The following BMPR1B variants were observed in gnomAD, a reference collection of about 807,000 sequenced individuals.
The protein encoded by BMPR1B is bone morphogenetic protein receptor type-1B.
BMPR1B carries 12 observed loss-of-function variants against 59.1 expected under a neutral mutation model. The ratio of observed to expected loss-of-function variants is 0.20; its 90% confidence interval spans 0.13 to 0.33. The LOEUF (loss-of-function observed/expected upper bound fraction) is 0.33. Ranked by LOEUF, BMPR1B falls within the 10% of genes least tolerant of loss-of-function variation. The pLI, the probability that BMPR1B is intolerant of heterozygous loss-of-function variation, is 1.00. For synonymous variants in BMPR1B, 237 were observed against 207.3 expected (o/e 1.14, Z -1.23); for missense variants, 550 against 610.9 (o/e 0.90, Z 1.05).
chr4:94,988,734 C>T (rs370877159), intron 2 of BMPR1B, among the ~76,000 whole-genome samples: 1 of 152,076 alleles, frequency 6.6e-6, no homozygotes, highest in African/African-American at 2.4e-5. Context: ...GTATGATTTT[C>T]CTGTGGGGTC....
At chr4:94,905,914 CT>C (rs34853734) in intron 2 of BMPR1B, among the ~76,000 whole-genome samples, 5,421 of 137,674 alleles carry the variant, frequency 0.039, 131 homozygotes, top group East Asian at 0.096. Flanking sequence ...TTTGTTTATT[CT>C]TTTTTTTTTT....
At chr4:94,864,775 GA>G (rs917999292) in intron 1 of BMPR1B, among the ~76,000 whole-genome samples, 30 of 151,902 alleles carry the variant, frequency 2.0e-4, no homozygotes, top group Admixed American at 4.6e-4. Flanking sequence ...TAATGACAAG[GA>G]AAAAAAGTCT....
chr4:94,982,844 G>GT (rs1721177563), intron 2 of BMPR1B, among the ~76,000 whole-genome samples: 1 of 152,106 alleles, frequency 6.6e-6, no homozygotes, highest in Admixed American at 6.5e-5. Context: ...AATTAGCCAG[G>GT]TGTGATGGTG....
At chr4:94,824,869 A>G (rs1204665483) in intron 1 of BMPR1B, among the ~76,000 whole-genome samples, 1 of 152,200 alleles carries the variant, frequency 6.6e-6, no homozygotes, top group African/African-American at 2.4e-5. Flanking sequence ...GTGTTTTACA[A>G]AATTGTAGTT....
rs1726434591 is a variant in BMPR1B, at chr4:95,050,653, CAT to C, written c.-17-53752_-17-53751del. On this transcript the variant is annotated intron_variant, in intron 3 of 12. Transcript: ENST00000515059. ...AAGATTTTTTAAAATATCAAGTAAA[CAT>C]ATGATGATGATATCTTAGATATAAA... 2.0e-5 allele frequency among the ~76,000 whole-genome samples: 3 copies of C among 152,186 alleles called. No individual in the cohort carries two copies. The South Asian group carries it at 6.2e-4, about 32-fold the overall frequency.
intron 1 of BMPR1B, among the ~76,000 whole-genome samples, chr4:94,870,852 G>T (rs768777869): frequency 6.6e-5 from 10 of 152,102 alleles, no homozygotes; most frequent in Non-Finnish European, 8.8e-5. Context: ...CCACATTAAC[G>T]TTGGAAGGTG....
At chr4:95,003,034 A>G (rs754556854) in intron 3 of BMPR1B, among the ~76,000 whole-genome samples, 6 of 151,920 alleles carry the variant, frequency 3.9e-5, no homozygotes, top group Non-Finnish European at 7.4e-5. Flanking sequence ...TTAAATATCT[A>G]TTAGTTGCAA....
chr4:95,019,830 C>T (rs1398203075), intron 3 of BMPR1B, among the ~76,000 whole-genome samples: 3 of 152,124 alleles, frequency 2.0e-5, no homozygotes, highest in Non-Finnish European at 4.4e-5. Flanking sequence ...TTACTCCTAG[C>T]TGTTTAAGTT....
chr4:95,088,793 GA>G (rs750834599), intron 3 of BMPR1B, among the ~76,000 whole-genome samples: 16 of 146,910 alleles, frequency 1.1e-4, no homozygotes, highest in African/African-American at 3.0e-4. Context: ...GAGGAAAGAA[GA>G]AAAAAAAAAG....
intron 11 of BMPR1B, among the ~76,000 whole-genome samples, chr4:95,149,328 A>G (rs1734866373): frequency 6.6e-6 from 1 of 152,170 alleles, no homozygotes; most frequent in Non-Finnish European, 1.5e-5. Context: ...CTCTGCAGAG[A>G]TGACAGTAGG....
At chr4:94,761,904 C>T (rs926692373) in intron 1 of BMPR1B, among the ~76,000 whole-genome samples, 7 of 152,014 alleles carry the variant, frequency 4.6e-5, no homozygotes, top group African/African-American at 1.5e-4. Context: ...GGAGGGGTTG[C>T]GGCTAGAAAG....
At chr4:95,124,848 TA>T in intron 7 of BMPR1B, 134 bp from the exon 8 acceptor site, 9 of 818,460 alleles carry the variant, frequency 1.1e-5, no homozygotes, top group Admixed American at 2.7e-5. Context: ...TAACTAAGAG[TA>T]AAAAATATGA....
chr4:94,834,341 T>C (rs1244530547), intron 1 of BMPR1B, among the ~76,000 whole-genome samples: 2 of 152,196 alleles, frequency 1.3e-5, no homozygotes, highest in Non-Finnish European at 2.9e-5. Context: ...TTTCGTGATA[T>C]GCTTATCTTC....
chr4:94,816,409 C>T (rs965349093), intron 1 of BMPR1B, among the ~76,000 whole-genome samples: 1 of 152,052 alleles, frequency 6.6e-6, no homozygotes, highest in Non-Finnish European at 1.5e-5. Flanking sequence ...CTCGTGATCC[C>T]CCCTTGGGCC....
chr4:94,864,382 G>A (rs960945986), intron 1 of BMPR1B, among the ~76,000 whole-genome samples: 2 of 152,144 alleles, frequency 1.3e-5, no homozygotes, highest in Admixed American at 1.3e-4. Context: ...TTACTAAAAA[G>A]TTGACATCAA....
At chr4:95,066,235 C>G (rs78472336) in intron 3 of BMPR1B, among the ~76,000 whole-genome samples, 1 of 152,202 alleles carries the variant, frequency 6.6e-6, no homozygotes, top group East Asian at 1.9e-4. Context: ...ACAGAAATGC[C>G]TTTCCTGTCA....
At chr4:95,037,663 C>G (rs957461420) in intron 3 of BMPR1B, among the ~76,000 whole-genome samples, 21 of 152,012 alleles carry the variant, frequency 1.4e-4, no homozygotes, top group African/African-American at 5.1e-4. Flanking sequence ...ATTTGTTGAC[C>G]TTTGGAAGAA....
intron 8 of BMPR1B, among the ~76,000 whole-genome samples, chr4:95,129,143 C>A (rs569413541): frequency 5.2e-4 from 79 of 152,278 alleles, no homozygotes; most frequent in African/African-American, 1.8e-3. Flanking sequence ...AAGTATTCTG[C>A]AAATGGTTTC....
intron 3 of BMPR1B, among the ~76,000 whole-genome samples, chr4:95,067,425 C>T (rs1727906992): frequency 6.6e-6 from 1 of 152,068 alleles, no homozygotes; most frequent in African/African-American, 2.4e-5. Flanking sequence ...GTGAAAAGGA[C>T]TAGGTTTAGA....
Sources: allele counts gnomAD v4.1 joint callset (sites outside exome capture counted in the v4.1 genomes callset), GRCh38; gene constraint gnomAD v4.1.1; transcripts MANE v1.5; gene names NCBI Gene and HGNC (gene_info 2026-07-23, HGNC 2026-07-21).